FEZ1: variants seen among roughly 807,000 people sequenced by gnomAD.
FEZ1 encodes fasciculation and elongation protein zeta-1.
In FEZ1, 20 loss-of-function variants were observed where a neutral mutation model predicts 49.3. The observed-to-expected ratio is 0.41, with a 90% CI of 0.29 to 0.59. The LOEUF (loss-of-function observed/expected upper bound fraction) is 0.59, where lower values mean the gene tolerates loss of function less well. Ranked by LOEUF, FEZ1 falls within the 20% of genes least tolerant of loss-of-function variation. FEZ1 has a pLI of 0.36. For missense variants in FEZ1, 413 were observed against 476.0 expected (o/e 0.87, Z 1.23); for synonymous variants, 170 against 180.9 (o/e 0.94, Z 0.48).
chr11:125,457,465 T>G (rs1198916808), intron 5 of FEZ1, among the ~76,000 whole-genome samples: 1 of 41,620 alleles, frequency 2.4e-5, no homozygotes, highest in Non-Finnish European at 5.5e-5. Flanking sequence ...TATATACACA[T>G]ATATATGTAT....
At chr11:125,476,493 C>T (rs144949180) in intron 3 of FEZ1, among the ~76,000 whole-genome samples, 28 of 152,036 alleles carry the variant, frequency 1.8e-4, no homozygotes, top group African/African-American at 6.8e-4. Context: ...AATAAGAAAA[C>T]GTCACAATTT....
At position 125,444,421 on chromosome 11, in the gene FEZ1, A is replaced by G. The variant is rs1956879731; in HGVS notation, c.*1674T>C. 1.3e-5 allele frequency among the ~76,000 whole-genome samples: 2 copies of G among 152,326 alleles called. No homozygotes were observed. Among genetic ancestry groups the G allele is most frequent in the African/African-American group, 4.8e-5 (2 of 41,582 alleles). On this transcript the variant is annotated 3_prime_UTR_variant, in exon 10 of 10. Transcript: ENST00000278919. ...ACCAACATGTAGAAACCTGGTCTCT[A>G]CTAAAAATATAAAATTAGCTGGGTG...
intron 1 of FEZ1, among the ~76,000 whole-genome samples, chr11:125,491,700 T>C (rs1957384176): frequency 6.6e-6 from 1 of 152,178 alleles, no homozygotes; most frequent in African/African-American, 2.4e-5. Context: ...AAACTCTAAA[T>C]AAGCAAGGCA....
chr11:125,473,482 T>A (rs1050908435), intron 3 of FEZ1, among the ~76,000 whole-genome samples: 2 of 152,044 alleles, frequency 1.3e-5, no homozygotes, highest in African/African-American at 4.8e-5. Context: ...GAATCAAAAA[T>A]TTTAAAAAAT....
rs1433822803 is a variant in FEZ1 at position 125,495,298 on chromosome 11, C to T, written c.-46+823G>A. On this transcript the variant is annotated intron_variant, in intron 1 of 9. Coordinates refer to ENST00000278919, the MANE Select transcript of FEZ1 (RefSeq NM_005103.5). This position sits in a 1 kb window ranked among gnomAD's most constrained non-coding sequence, Gnocchi z 4.2. ...TCCACTGCCCTTCCGGCCAAACAAG[C>T]CCGGACACGGGAGAGGGATGAGAGT... 2 of 449,340 alleles carry T rather than the reference C, an allele frequency of 4.5e-6. No homozygotes were observed. The highest frequency in any genetic ancestry group is 9.3e-6 in the Non-Finnish European group (2 of 214,130). 27.8% of individuals were successfully genotyped at this position (449,340 alleles called of 1,614,324 possible).
At chr11:125,467,553 G>T (rs1957142691) in intron 3 of FEZ1, among the ~76,000 whole-genome samples, 1 of 152,178 alleles carries the variant, frequency 6.6e-6, no homozygotes, top group Non-Finnish European at 1.5e-5. Flanking sequence ...TAGTCACCTG[G>T]AAAAGAGGAA....
chr11:125,461,727 T>C (rs1278344656), intron 4 of FEZ1, among the ~76,000 whole-genome samples: 2 of 152,238 alleles, frequency 1.3e-5, no homozygotes, highest in Non-Finnish European at 2.9e-5. Context: ...CTTTGTCTGT[T>C]CTCCATGGAT....
intron 9 of FEZ1, 56 bp downstream of exon 9, chr11:125,448,446 G>T: frequency 8.4e-7 from 1 of 1,196,476 alleles, no homozygotes; most frequent in Non-Finnish European, 1.2e-6. Context: ...TTCCCTAACT[G>T]GAGCAGGAGC....
At chr11:125,488,744 A>AT in intron 2 of FEZ1, 16 of 985,394 alleles carry the variant, frequency 1.6e-5, no homozygotes, top group Non-Finnish European at 1.8e-5. Context: ...GAACCACTGA[A>AT]TTTTTACTAA....
chr11:125,452,846 G>A (rs1273172894), intron 7 of FEZ1: 2 of 157,282 alleles, frequency 1.3e-5, no homozygotes, highest in Non-Finnish European at 2.8e-5. Context: ...TCTGCTGGAT[G>A]TCAGGTGCTC....
chr11:125,489,876 A>G lies in FEZ1; in HGVS notation c.-45-54T>C, dbSNP rs1957365597. ...TTTAGACCAGGCTAATCTAAATAAT[A>G]GAGTTAACTTTAGAGACACACCTGC... On this transcript the variant is annotated intron_variant, in intron 1 of 9. Transcript: ENST00000278919. The surrounding 1 kb of genome is among the most constrained non-coding windows in gnomAD (Gnocchi z 4.2). The G allele has an allele frequency of 1.1e-5, 15 of 1,414,016 alleles. No homozygotes were observed. In the South Asian group the frequency reaches 1.5e-4, roughly 14 times the overall value. The allele number at this position is 1,414,016 out of a possible 1,614,324, so 87.6% of individuals were successfully genotyped here. A position where few individuals can be genotyped will look rare whatever the true frequency, so the allele number is the denominator to read the frequency against.
chr11:125,444,580 C>T lies in FEZ1; in HGVS notation c.*1515G>A, dbSNP rs542841576. ...AGCCTGAGCAACAAGAGTCAAACTC[C>T]GTCTGAAAAAAAAAAAGCAGAGGCC... On this transcript the variant is annotated 3_prime_UTR_variant, in exon 10 of 10. Transcript: ENST00000278919. Among the ~76,000 whole-genome samples, 5 of 151,456 alleles carry T rather than the reference C, an allele frequency of 3.3e-5. No homozygotes were observed. Among genetic ancestry groups the T allele is most frequent in the South Asian group, 2.1e-4 (1 of 4,760 alleles).
At chr11:125,473,671 T>C (rs1226087944) in intron 3 of FEZ1, among the ~76,000 whole-genome samples, 1 of 151,902 alleles carries the variant, frequency 6.6e-6, no homozygotes, top group Non-Finnish European at 1.5e-5. Flanking sequence ...ATACAAAAAT[T>C]AGCTGGGCAT....
chr11:125,448,662 A>T, intron 8 of FEZ1, 95 bp from the exon 9 acceptor site: 1 of 787,984 alleles, frequency 1.3e-6, no homozygotes, highest in Non-Finnish European at 2.2e-6. Flanking sequence ...TGAGAGAGAA[A>T]TGATTCAAAA....
chr11:125,490,632 A>G (rs1340274631), intron 1 of FEZ1, among the ~76,000 whole-genome samples: 1 of 152,064 alleles, frequency 6.6e-6, no homozygotes, highest in African/African-American at 2.4e-5. Context: ...TTGAGGTGGG[A>G]GGATCATTTG....
chr11:125,474,376 C>A (rs1957210921), intron 3 of FEZ1, among the ~76,000 whole-genome samples: 1 of 151,780 alleles, frequency 6.6e-6, no homozygotes, highest in South Asian at 2.1e-4. Flanking sequence ...CTATGTTGCC[C>A]AGTCTGGTCT....
chr11:125,454,898 C>T (rs1450237015), intron 6 of FEZ1, among the ~76,000 whole-genome samples: 10 of 150,978 alleles, frequency 6.6e-5, no homozygotes, highest in African/African-American at 1.5e-4. Flanking sequence ...CCTGTAATCC[C>T]GGCGACTCAG....
chr11:125,473,052 G>GA (rs139721818), intron 3 of FEZ1, among the ~76,000 whole-genome samples: 4 of 149,786 alleles, frequency 2.7e-5, no homozygotes, highest in African/African-American at 7.4e-5. Context: ...AATTTGGAAA[G>GA]AAAAAAAAAG....
chr11:125,450,864 T>C (rs1242288420), intron 8 of FEZ1, among the ~76,000 whole-genome samples: 1 of 152,096 alleles, frequency 6.6e-6, no homozygotes, highest in Non-Finnish European at 1.5e-5. Context: ...CATAGTGGAG[T>C]AGACAATGAG....
Sources: gnomAD v4.1 joint callset for allele counts (sites outside exome capture counted in the v4.1 genomes callset) on GRCh38, gnomAD v4.1.1 for gene constraint, Gnocchi (gnomAD v3.1) non-coding constraint, MANE v1.5 for transcripts, NCBI Gene and HGNC (gene_info 2026-07-23, HGNC 2026-07-21) for gene names.